SEPTIN11: variants seen among roughly 807,000 people sequenced by gnomAD.
SEPTIN11 encodes septin-11.
Under a neutral mutation model 51.4 loss-of-function variants are expected in SEPTIN11, and 25 were observed. The observed-to-expected ratio is 0.49, with a 90% CI of 0.35 to 0.68. SEPTIN11 has a LOEUF of 0.68. Ranked by LOEUF, SEPTIN11 falls within the 30% of genes least tolerant of loss-of-function variation. The probability of loss-of-function intolerance (pLI) is 0.00; values close to 1 mark genes in which losing one functional copy is unlikely to be tolerated. For missense variants in SEPTIN11, 381 were observed against 520.8 expected (o/e 0.73, Z 2.61); for synonymous variants, 174 against 184.1 (o/e 0.95, Z 0.44).
Position 77,024,891 on chromosome 4 carries a change from G to A in SEPTIN11, c.954-3738G>A, listed in dbSNP as rs1250071659. ...GGCTACCTTATTGGGTTGTTGTAAG[G>A]ATTAAATGAATTCACATGTGTATTG... On this transcript the variant is annotated intron_variant, in intron 7 of 9. Transcript: ENST00000264893. The surrounding 1 kb of genome is among the most constrained non-coding windows in gnomAD (Gnocchi z 4.2). 1.3e-5 allele frequency among the ~76,000 whole-genome samples: 2 copies of A among 152,144 alleles called. No individual in the cohort carries two copies. The highest frequency in any genetic ancestry group is 1.3e-4 in the Admixed American group (2 of 15,278).
chr4:77,008,743 A>T (rs10518163), intron 3 of SEPTIN11, among the ~76,000 whole-genome samples: 7,670 of 152,274 alleles, frequency 0.05, 685 homozygotes, highest in African/African-American at 0.18. Context: ...TGTAACAAGG[A>T]ATATCTCCAT....
intron 1 of SEPTIN11, among the ~76,000 whole-genome samples, chr4:76,956,520 C>G (rs1440970357): frequency 6.6e-6 from 1 of 152,228 alleles, no homozygotes; most frequent in African/African-American, 2.4e-5. Context: ...TGCAGCTGTT[C>G]CACCCTCGGA....
chr4:77,018,827 A>G (rs1028558453), intron 5 of SEPTIN11, among the ~76,000 whole-genome samples: 2 of 152,226 alleles, frequency 1.3e-5, no homozygotes, highest in Non-Finnish European at 2.9e-5. Context: ...TAAACTAATT[A>G]AAAGTTAGAT....
chr4:77,036,957 T>G lies in SEPTIN11; in HGVS notation c.*2445T>G. On this transcript the variant is annotated 3_prime_UTR_variant, in exon 10 of 10. Transcript: ENST00000264893. ...GGGGGCAGGAAGGTAATGGTTTGAG[T>G]AGCCTTTGTTTAAAAAAAAGACTAA... The G allele has an allele frequency of 7.8e-7, 1 of 1,285,016 alleles. No homozygotes were observed. The highest frequency in any genetic ancestry group is 9.8e-7 in the Non-Finnish European group (1 of 1,019,008). 79.6% of individuals were successfully genotyped at this position (1,285,016 alleles called of 1,614,324 possible).
intron 1 of SEPTIN11, among the ~76,000 whole-genome samples, chr4:76,975,372 C>T (rs563517578): frequency 2.0e-4 from 31 of 152,212 alleles, no homozygotes; most frequent in Non-Finnish European, 3.5e-4. Flanking sequence ...GAAGTACTTC[C>T]CGTAGCCATT....
rs1218080295 is a variant in SEPTIN11, at chr4:76,984,303, G to C, written c.28-12122G>C. ...GCCCTGGTGCTTTTGTTCATGACTTGCTTGGAACTGGATTGGATTTTTTTT... is the reference window on the plus strand; with the variant it reads ...GCCCTGGTGCTTTTGTTCATGACTTCCTTGGAACTGGATTGGATTTTTTTT... On this transcript the variant is annotated intron_variant, in intron 1 of 9. Transcript: ENST00000264893. The surrounding 1 kb of genome is among the most constrained non-coding windows in gnomAD (Gnocchi z 4.1). 3.3e-5 allele frequency among the ~76,000 whole-genome samples: 5 copies of C among 152,212 alleles called. No homozygotes were observed. The East Asian group carries it at 7.7e-4, about 24-fold the overall frequency.
Position 77,008,040 on chromosome 4 carries a change from T to C in SEPTIN11, c.338+2244T>C, listed in dbSNP as rs554853426. ...AGTTTGTTTATGTAGGCTTTGGACA[T>C]GTCAACATTCCTGTATTATTATCTG... On this transcript the variant is annotated intron_variant, in intron 3 of 9. Transcript: ENST00000264893. Among the ~76,000 whole-genome samples the C allele has an allele frequency of 2.0e-5, 3 of 152,360 alleles. No individual in the cohort carries two copies. In the East Asian group the frequency reaches 5.8e-4, roughly 29 times the overall value.
chr4:76,960,226 C>T (rs1355735546), intron 1 of SEPTIN11, among the ~76,000 whole-genome samples: 1 of 152,188 alleles, frequency 6.6e-6, no homozygotes, highest in Non-Finnish European at 1.5e-5. Context: ...CAGTCTAAGA[C>T]TAGTACTTTG....
intron 7 of SEPTIN11, among the ~76,000 whole-genome samples, chr4:77,027,596 T>C (rs927931950): frequency 2.6e-5 from 4 of 152,270 alleles, no homozygotes; most frequent in East Asian, 3.9e-4. Flanking sequence ...TCGTGCAGAG[T>C]GGCTATCCAG....
At chr4:76,981,248 A>G (rs1007067041) in intron 1 of SEPTIN11, among the ~76,000 whole-genome samples, 1 of 152,214 alleles carries the variant, frequency 6.6e-6, no homozygotes, top group African/African-American at 2.4e-5. Flanking sequence ...ACATATCAAC[A>G]TGATGATAAT....
Position 77,015,089 on chromosome 4 carries a change from G to A in SEPTIN11, c.687+72G>A, listed in dbSNP as rs573321314. On this transcript the variant is annotated intron_variant, in intron 5 of 9. Coordinates refer to ENST00000264893, the MANE Select transcript of SEPTIN11 (RefSeq NM_018243.4). The stretch of plus-strand genomic sequence containing the variant: ...GTCTTAGTAGCAGCATTGTAGAGTG[G>A]CTGGAGCACTGGACTGACTAGGAAC... 2.0e-6 allele frequency: 3 copies of A among 1,490,202 alleles called. No individual in the cohort carries two copies. The Admixed American group carries it at 5.4e-5, about 27-fold the overall frequency. 92.3% of individuals were successfully genotyped at this position (1,490,202 alleles called of 1,614,324 possible). A position where few individuals can be genotyped will look rare whatever the true frequency, so the allele number is the denominator to read the frequency against.
intron 9 of SEPTIN11, among the ~76,000 whole-genome samples, chr4:77,032,443 T>C (rs1185246513): frequency 6.6e-6 from 1 of 152,230 alleles, no homozygotes; most frequent in Admixed American, 6.5e-5. Flanking sequence ...CTAATGGTGA[T>C]GTTTCCCATG....
chr4:77,006,946 T>C (rs1051844326), intron 3 of SEPTIN11, among the ~76,000 whole-genome samples: 1 of 152,196 alleles, frequency 6.6e-6, no homozygotes, highest in African/African-American at 2.4e-5. Flanking sequence ...TGCTCTTCAG[T>C]AGACATTGTC....
chr4:76,962,465 C>T (rs1211775598), intron 1 of SEPTIN11, among the ~76,000 whole-genome samples: 1 of 152,188 alleles, frequency 6.6e-6, no homozygotes, highest in Non-Finnish European at 1.5e-5. Context: ...ACACACGTAC[C>T]CCCTGGTTTA....
intron 1 of SEPTIN11, among the ~76,000 whole-genome samples, chr4:76,950,477 G>C (rs1246332789): frequency 1.3e-5 from 2 of 152,246 alleles, no homozygotes; most frequent in Non-Finnish European, 2.9e-5. Context: ...CCCTGCCCAG[G>C]ATGTGGACAA....
intron 1 of SEPTIN11, among the ~76,000 whole-genome samples, chr4:76,964,660 T>G (rs1025574680): frequency 4.6e-5 from 7 of 152,240 alleles, no homozygotes; most frequent in African/African-American, 1.7e-4. Context: ...TTGAGCTATT[T>G]CATCACCATC....
intron 1 of SEPTIN11, among the ~76,000 whole-genome samples, chr4:76,983,055 C>A (rs1560708205): frequency 6.6e-6 from 1 of 152,038 alleles, no homozygotes; most frequent in Non-Finnish European, 1.5e-5. Flanking sequence ...CTTTGGTAGG[C>A]AGAATCCGAA....
chr4:77,024,242 C>T lies in SEPTIN11; in HGVS notation c.953+3572C>T, dbSNP rs944102156. Among the ~76,000 whole-genome samples, 3 of 152,180 alleles carry T rather than the reference C, an allele frequency of 2.0e-5. No individual in the cohort carries two copies. Among genetic ancestry groups the T allele is most frequent in the Non-Finnish European group, 2.9e-5 (2 of 68,028 alleles). On this transcript the variant is annotated intron_variant, in intron 7 of 9. Coordinates refer to ENST00000264893, the MANE Select transcript of SEPTIN11 (RefSeq NM_018243.4). This position sits in a 1 kb window ranked among gnomAD's most constrained non-coding sequence, Gnocchi z 4.2. ...GCCCGTCCCTGGGGTGCCTTTAAACCCGCCTGCATTCACACTTGCGTCTTT... is the reference window on the plus strand; with the variant it reads ...GCCCGTCCCTGGGGTGCCTTTAAACTCGCCTGCATTCACACTTGCGTCTTT...
chr4:76,975,486 A>G (rs947213778), intron 1 of SEPTIN11, among the ~76,000 whole-genome samples: 2 of 152,234 alleles, frequency 1.3e-5, no homozygotes, highest in African/African-American at 2.4e-5. Flanking sequence ...AACTTATTAC[A>G]TGTTAATGTA....
Sources: gnomAD v4.1 joint callset for allele counts (sites outside exome capture counted in the v4.1 genomes callset) on GRCh38, gnomAD v4.1.1 for gene constraint, Gnocchi (gnomAD v3.1) non-coding constraint, MANE v1.5 for transcripts, NCBI Gene and HGNC (gene_info 2026-07-23, HGNC 2026-07-21) for gene names.